Variants in TYR observed in about 807,000 individuals in gnomAD.
TYR encodes the protein tyrosinase, also known as LB24-AB.
In TYR, 58 loss-of-function variants were observed where a neutral mutation model predicts 51.5. The observed-to-expected ratio is 1.13, with a 90% CI of 0.91 to 1.40. The LOEUF is 1.40. Among genes scored for constraint, TYR ranks in the 40% most tolerant of loss-of-function variants. The pLI, the probability that TYR is intolerant of heterozygous loss-of-function variation, is 0.00. For synonymous variants in TYR, 263 were observed against 235.2 expected, an observed-to-expected ratio of 1.12 and a Z score of -1.08; for missense variants, 732 against 647.4, an observed-to-expected ratio of 1.13 and a Z score of -1.42.
intron 3 of TYR, among the ~76,000 whole-genome samples, chr11:89,229,449 C>T (rs1219023350): frequency 1.3e-5 from 2 of 151,758 alleles, no homozygotes; most frequent in African/African-American, 2.4e-5. Flanking sequence ...AAATTTTTTG[C>T]CATTTTTAAT....
intron 3 of TYR, among the ~76,000 whole-genome samples, chr11:89,236,080 C>T (rs1335753971): frequency 6.6e-6 from 1 of 151,998 alleles, no homozygotes; most frequent in Admixed American, 6.6e-5. Flanking sequence ...TACATATTGT[C>T]AATGGATGCT....
intron 2 of TYR, among the ~76,000 whole-genome samples, chr11:89,208,440 A>G (rs1222465064): frequency 6.6e-6 from 1 of 152,236 alleles, no homozygotes; most frequent in Non-Finnish European, 1.5e-5. Flanking sequence ...AAACATCAAG[A>G]GAACCAATGT....
intron 3 of TYR, among the ~76,000 whole-genome samples, chr11:89,276,360 A>G (rs1333826624): frequency 5.9e-5 from 9 of 151,804 alleles, no homozygotes; most frequent in Non-Finnish European, 1.0e-4. Flanking sequence ...AAAGTAACAG[A>G]AACCTCCTCA....
chr11:89,217,608 T>C (rs1422969953), intron 2 of TYR, among the ~76,000 whole-genome samples: 1 of 152,132 alleles, frequency 6.6e-6, no homozygotes, highest in East Asian at 1.9e-4. Context: ...TAAGGGAAAG[T>C]GGTTTTTTGA....
chr11:89,267,920 A>C (rs1944545122), intron 3 of TYR, among the ~76,000 whole-genome samples: 1 of 151,932 alleles, frequency 6.6e-6, no homozygotes, highest in Non-Finnish European at 1.5e-5. Context: ...TTTACTAACT[A>C]AATAGAGGAA....
intron 1 of TYR, among the ~76,000 whole-genome samples, chr11:89,179,750 T>G (rs1300359022): frequency 1.1e-4 from 17 of 152,238 alleles, no homozygotes; most frequent in Non-Finnish European, 1.2e-4. Flanking sequence ...CATTACTATT[T>G]GGAATTGAAT....
Position 89,295,644 on chromosome 11 carries a change from A to G in TYR, c.*278A>G, listed in dbSNP as rs1233014778. ...GGAACTGTTATTTGTATGTGAATTA[A>G]AGTGCTCTTATTTTAAAAAATTGAA... is the stretch of plus-strand genomic sequence containing the variant. On this transcript the variant is annotated 3_prime_UTR_variant, in exon 5 of 5. Coordinates refer to ENST00000263321, the MANE Select transcript of TYR (RefSeq NM_000372.5). The G allele has an allele frequency of 2.6e-6, 1 of 385,440 alleles. No homozygotes were observed. The highest frequency in any genetic ancestry group is 2.0e-5 in the African/African-American group (1 of 48,956). 23.9% of individuals were successfully genotyped at this position (385,440 alleles called of 1,614,324 possible). A position where few individuals can be genotyped will look rare whatever the true frequency, so the allele number is the denominator to read the frequency against.
intron 3 of TYR, among the ~76,000 whole-genome samples, chr11:89,284,203 G>T (rs1420310226): frequency 3.3e-5 from 5 of 151,788 alleles, no homozygotes; most frequent in East Asian, 1.9e-4. Flanking sequence ...TTATCATATG[G>T]TCATACTCTA....
chr11:89,261,676 A>C (rs1213397724), intron 3 of TYR, among the ~76,000 whole-genome samples: 12 of 152,100 alleles, frequency 7.9e-5, no homozygotes, highest in African/African-American at 2.9e-4. Flanking sequence ...GCAAGAAAAA[A>C]CTTGCGCAAT....
chr11:89,184,677 A>G (rs913309202), intron 1 of TYR, among the ~76,000 whole-genome samples: 9 of 152,190 alleles, frequency 5.9e-5, no homozygotes, highest in African/African-American at 2.2e-4. Flanking sequence ...TATTTGTTGA[A>G]TAGTTTCTTT....
intron 4 of TYR, chr11:89,294,387 C>A (rs970127783): frequency 7.9e-5 from 12 of 152,704 alleles, no homozygotes; most frequent in Admixed American, 2.0e-4. Context: ...TTACATATAT[C>A]GGCTCCCCTA....
intron 2 of TYR, among the ~76,000 whole-genome samples, chr11:89,206,334 T>G (rs1943672181): frequency 6.6e-6 from 1 of 152,080 alleles, no homozygotes; most frequent in African/African-American, 2.4e-5. Context: ...AAAACAAAGT[T>G]AAAGTGGCTA....
intron 3 of TYR, among the ~76,000 whole-genome samples, chr11:89,228,796 G>T (rs958429598): frequency 6.6e-6 from 1 of 151,972 alleles, no homozygotes; most frequent in Non-Finnish European, 1.5e-5. Flanking sequence ...AGATATATTA[G>T]GTTTTAGACT....
chr11:89,237,186 C>T (rs1944126988), intron 3 of TYR, among the ~76,000 whole-genome samples: 1 of 152,106 alleles, frequency 6.6e-6, no homozygotes, highest in African/African-American at 2.4e-5. Context: ...GTTTTCTTGG[C>T]TGCAGGAAGC....
chr11:89,218,812 G>A (rs1173563169), intron 2 of TYR, among the ~76,000 whole-genome samples: 1 of 152,130 alleles, frequency 6.6e-6, no homozygotes, highest in East Asian at 1.9e-4. Context: ...AGAGCTAACA[G>A]GTAGAAAACA....
chr11:89,202,666 T>C (rs1008111607), intron 2 of TYR, among the ~76,000 whole-genome samples: 3 of 53,480 alleles, frequency 5.6e-5, no homozygotes, highest in African/African-American at 3.6e-4. Context: ...AGCTGGATCC[T>C]AGGAAACTTT....
chr11:89,203,945 C>A (rs930718798), intron 2 of TYR, among the ~76,000 whole-genome samples: 3 of 152,158 alleles, frequency 2.0e-5, no homozygotes, highest in African/African-American at 7.2e-5. Flanking sequence ...AGACTTCTAC[C>A]CTTACTAGGC....
At chr11:89,222,232 C>G (rs1403767883) in intron 2 of TYR, among the ~76,000 whole-genome samples, 1 of 152,106 alleles carries the variant, frequency 6.6e-6, no homozygotes, top group Non-Finnish European at 1.5e-5. Context: ...GGAGATCAGT[C>G]CAGCTTAATT....
In TYR at chr11:89,284,895, G is replaced by C. The variant is rs199717334; in HGVS notation, c.1307G>C (p.Gly436Ala). ...CCTTTTATACCACTGTACAGAAATG[G>C]TGATTTCTTTATTTCATCCAAAGAT... Reference protein sequence around the residue: ...MVPFIPLYRNGDFFISSKDLG... With the variant: ...MVPFIPLYRNADFFISSKDLG... The change falls in exon 4 of 5, where the codon GGT becomes GCT. Residue 436 changes from glycine to alanine, a missense_variant. By Grantham distance (60) the Gly-to-Ala change is moderately conservative. Transcript: ENST00000263321. The C allele has an allele frequency of 1.5e-5, 24 of 1,611,656 alleles. No homozygotes were observed. The highest frequency in any genetic ancestry group is 1.7e-4 in the Middle Eastern group (1 of 6,042).
Sources: gnomAD v4.1 joint callset for allele counts (sites outside exome capture counted in the v4.1 genomes callset) on GRCh38, gnomAD v4.1.1 for gene constraint, MANE v1.5 for transcripts, NCBI Gene and HGNC (gene_info 2026-07-23, HGNC 2026-07-21) for gene names.